Variants in PSEN1 observed in about 807,000 individuals in gnomAD.
The protein encoded by PSEN1 is presenilin-1.
PSEN1 carries 15 observed loss-of-function variants against 53.5 expected under a neutral mutation model. The ratio of observed to expected loss-of-function variants is 0.28; its 90% CI spans 0.19 to 0.43. The LOEUF (loss-of-function observed/expected upper bound fraction) is 0.43. Among genes scored for constraint, PSEN1 ranks in the 20% least tolerant of loss-of-function variants. The probability of loss-of-function intolerance (pLI) is 1.00; values close to 1 mark genes in which losing one functional copy is unlikely to be tolerated. For synonymous variants in PSEN1, 208 were observed against 209.8 expected (o/e 0.99, Z 0.08); for missense variants, 387 against 571.2 (o/e 0.68, Z 3.29).
intron 1 of PSEN1, among the ~76,000 whole-genome samples, chr14:73,146,370 A>T (rs1420301680): frequency 6.6e-6 from 1 of 151,900 alleles, no homozygotes; most frequent in African/African-American, 2.4e-5. Context: ...TTTTTTGTAG[A>T]GATAGTGTTT....
intron 8 of PSEN1, among the ~76,000 whole-genome samples, chr14:73,199,666 A>T (rs866521633): frequency 3.6e-4 from 55 of 152,324 alleles, no homozygotes; most frequent in African/African-American, 1.3e-3. Context: ...AGTTTGCCAT[A>T]TTGCCTCCTA....
chr14:73,179,930 CCTTT>C (rs1364337053), intron 5 of PSEN1, among the ~76,000 whole-genome samples: 1 of 152,160 alleles, frequency 6.6e-6, no homozygotes, highest in Non-Finnish European at 1.5e-5. Flanking sequence ...TTATCTGGAA[CCTTT>C]CTTAATATAT....
intron 1 of PSEN1, among the ~76,000 whole-genome samples, chr14:73,139,624 A>G (rs1232744095): frequency 1.3e-5 from 2 of 152,188 alleles, no homozygotes; most frequent in African/African-American, 2.4e-5. Context: ...GATGAAACCA[A>G]TGTGAATAAT....
chr14:73,193,486 G>T (rs971408584), intron 7 of PSEN1, among the ~76,000 whole-genome samples: 2 of 148,550 alleles, frequency 1.3e-5, no homozygotes, highest in African/African-American at 5.0e-5. Context: ...TGAAGTGGAG[G>T]TTGCAGTGAG....
At chr14:73,186,742 A>C in intron 5 of PSEN1, 111 bp from the exon 6 acceptor site, 1 of 871,212 alleles carries the variant, frequency 1.1e-6, no homozygotes, top group Non-Finnish European at 1.9e-6. Context: ...GTGCCACTGC[A>C]CTCCAGTCTG....
In PSEN1 at chr14:73,199,144, G is replaced by C. The variant is rs899443403; in HGVS notation, c.868+1015G>C. 5.9e-5 allele frequency among the ~76,000 whole-genome samples: 9 copies of C among 152,196 alleles called. No individual in the cohort carries two copies. In the South Asian group the frequency reaches 1.7e-3, roughly 28 times the overall value. On this transcript the variant is annotated intron_variant, in intron 8 of 11. Transcript: ENST00000324501. ...TGGCTCATATCTAATTTAGTTGACA[G>C]TACCTGTGGGTCACTAGGTAGACAT...
intron 8 of PSEN1, among the ~76,000 whole-genome samples, chr14:73,202,418 CTA>C (rs1248311168): frequency 0.014 from 382 of 27,098 alleles, 2 homozygotes; most frequent in South Asian, 0.02. Context: ...CTATCACATA[CTA>C]TATATATATA....
At chr14:73,182,482 G>T (rs1458783007) in intron 5 of PSEN1, among the ~76,000 whole-genome samples, 1 of 152,066 alleles carries the variant, frequency 6.6e-6, no homozygotes, top group Non-Finnish European at 1.5e-5. Flanking sequence ...GGGCAACACA[G>T]TGAGGCCCTA....
intron 8 of PSEN1, among the ~76,000 whole-genome samples, chr14:73,205,015 C>T (rs1265705118): frequency 2.0e-5 from 3 of 152,194 alleles, no homozygotes; most frequent in African/African-American, 7.2e-5. Flanking sequence ...GTTGGGTTAT[C>T]CTATAATGAA....
chr14:73,161,847 T>C (rs991093945), intron 3 of PSEN1, among the ~76,000 whole-genome samples: 4 of 152,056 alleles, frequency 2.6e-5, no homozygotes, highest in African/African-American at 9.7e-5. Context: ...CAATGCCTCA[T>C]GTAAACAGCG....
At chr14:73,214,989 A>G (rs535775729) in intron 10 of PSEN1, among the ~76,000 whole-genome samples, 13 of 151,952 alleles carry the variant, frequency 8.6e-5, no homozygotes, top group South Asian at 6.3e-4. Flanking sequence ...TTTTGAGACA[A>G]TTTCGCTCGT....
chr14:73,139,723 G>C (rs1398109109), intron 1 of PSEN1, among the ~76,000 whole-genome samples: 3 of 152,156 alleles, frequency 2.0e-5, no homozygotes, highest in Non-Finnish European at 2.9e-5. Flanking sequence ...GAGATAGTAA[G>C]CTCCTTAAGT....
intron 5 of PSEN1, chr14:73,174,062 A>T (rs1897973867): frequency 5.3e-6 from 2 of 375,790 alleles, no homozygotes; most frequent in Non-Finnish European, 4.8e-6. Context: ...ATTAGTGTAA[A>T]ATATATATAT....
Position 73,160,704 on chromosome 14 carries a change from G to T in PSEN1, c.88-10093G>T, listed in dbSNP as rs577128548. On this transcript the variant is annotated intron_variant, in intron 3 of 11. Coordinates refer to ENST00000324501, the MANE Select transcript of PSEN1 (RefSeq NM_000021.4). ...AGAGCATCTTTTCATGTGCTTGTTG[G>T]CTATTTGTATATCTTCTTTGAAGAA... Among the ~76,000 whole-genome samples, 259 of 151,078 alleles carry T rather than the reference G, an allele frequency of 1.7e-3. 2 individuals carry two copies. Among genetic ancestry groups the T allele is most frequent in the African/African-American group, 5.8e-3 (238 of 41,176 alleles).
At chr14:73,188,183 T>G (rs1179632479) in intron 6 of PSEN1, among the ~76,000 whole-genome samples, 1 of 149,376 alleles carries the variant, frequency 6.7e-6, no homozygotes, top group East Asian at 1.9e-4. Flanking sequence ...CGCCTTGGCC[T>G]CCCAAAGTGC....
chr14:73,140,202 CTTTTTTTTTT>C (rs35223948), intron 1 of PSEN1, among the ~76,000 whole-genome samples: 4 of 73,040 alleles, frequency 5.5e-5, no homozygotes, highest in African/African-American at 1.6e-4. Context: ...TTTTGCTATT[CTTTTTTTTTT>C]TTTTTTTTTT....
At chr14:73,207,775 C>T (rs1465323467) in intron 9 of PSEN1, among the ~76,000 whole-genome samples, 3 of 152,210 alleles carry the variant, frequency 2.0e-5, no homozygotes, top group South Asian at 4.1e-4. Context: ...ACCAGCTGGA[C>T]CCCATGCCTG....
chr14:73,210,894 A>C (rs114653436), intron 9 of PSEN1, among the ~76,000 whole-genome samples: 3,395 of 152,258 alleles, frequency 0.022, 129 homozygotes, highest in African/African-American at 0.075. Context: ...AATTATTTTT[A>C]ATGTATGGAA....
intron 5 of PSEN1, among the ~76,000 whole-genome samples, 192 bp from the exon 6 acceptor site, chr14:73,186,661 C>T (rs1389935009): frequency 1.3e-5 from 2 of 152,112 alleles, no homozygotes; most frequent in Non-Finnish European, 2.9e-5. Flanking sequence ...CGCGTGGTTC[C>T]ACCTACTCAG....
Sources: gnomAD v4.1 joint callset for allele counts (sites outside exome capture counted in the v4.1 genomes callset) on GRCh38, gnomAD v4.1.1 for gene constraint, MANE v1.5 for transcripts, NCBI Gene and HGNC (gene_info 2026-07-23, HGNC 2026-07-21) for gene names.